The following PHF14 variants were observed in gnomAD, a reference collection of about 807,000 sequenced individuals.
The protein encoded by PHF14 is PHD finger protein 14.
In PHF14, 55 loss-of-function variants were observed where a neutral mutation model predicts 117.9. The observed-to-expected ratio is 0.47, with a 90% CI of 0.38 to 0.58. The LOEUF (loss-of-function observed/expected upper bound fraction) is 0.58. Ranked by LOEUF, PHF14 falls within the 20% of genes least tolerant of loss-of-function variation. The pLI is 0.00. For synonymous variants in PHF14, 409 were observed against 368.6 expected, an observed-to-expected ratio of 1.11 and a Z score of -1.26; for missense variants, 978 against 1,122.2, an observed-to-expected ratio of 0.87 and a Z score of 1.84.
At chr7:11,126,528 A>AT (rs1787933923) in intron 17 of PHF14, among the ~76,000 whole-genome samples, 1 of 152,084 alleles carries the variant, frequency 6.6e-6, no homozygotes, top group South Asian at 2.1e-4. Flanking sequence ...TATGAATCTA[A>AT]TTTTTGCAGT....
chr7:11,046,553 T>G (rs1784670913), intron 13 of PHF14, among the ~76,000 whole-genome samples: 1 of 152,196 alleles, frequency 6.6e-6, no homozygotes, highest in Admixed American at 6.6e-5. Flanking sequence ...TTATTGCCTC[T>G]TCTTCCCATT....
chr7:11,082,581 G>C (rs1193816983), intron 16 of PHF14, among the ~76,000 whole-genome samples: 1 of 152,128 alleles, frequency 6.6e-6, no homozygotes, highest in Admixed American at 6.5e-5. Flanking sequence ...GTGCCTTTCT[G>C]ATTTAATGAC....
intron 3 of PHF14, among the ~76,000 whole-genome samples, chr7:10,988,815 A>C (rs1017691362): frequency 6.6e-6 from 1 of 150,832 alleles, no homozygotes; most frequent in Non-Finnish European, 1.5e-5. Context: ...AATTCTTATA[A>C]CCTCCTGAAG....
intron 16 of PHF14, among the ~76,000 whole-genome samples, chr7:11,092,403 A>G (rs1364881553): frequency 1.3e-5 from 2 of 152,200 alleles, no homozygotes; most frequent in African/African-American, 4.8e-5. Flanking sequence ...TGGTCTGGAG[A>G]CTAAACTATG....
At chr7:10,990,932 C>T (rs1782426651) in intron 4 of PHF14, 85 bp downstream of exon 4, 1 of 898,276 alleles carries the variant, frequency 1.1e-6, no homozygotes, top group African/African-American at 1.7e-5. Flanking sequence ...TACAATATTT[C>T]ATGGTGTTTC....
chr7:11,055,722 C>A (rs1784993971), intron 14 of PHF14, among the ~76,000 whole-genome samples: 1 of 152,052 alleles, frequency 6.6e-6, no homozygotes, highest in South Asian at 2.1e-4. Context: ...ATCCTAGAGC[C>A]TACTTTTATT....
At chr7:11,014,947 T>G (rs777926157) in intron 5 of PHF14, 1 of 151,738 alleles carries the variant, frequency 6.6e-6, no homozygotes, top group Non-Finnish European at 1.5e-5. Context: ...TTAAGAGTAA[T>G]TTTCAACCTT....
intron 4 of PHF14, among the ~76,000 whole-genome samples, chr7:11,002,508 G>A (rs186974875): frequency 2.0e-5 from 3 of 151,654 alleles, no homozygotes; most frequent in African/African-American, 7.3e-5. Context: ...GAGCAATCTC[G>A]ACTCACTGCA....
chr7:11,116,905 T>C (rs1057389095), intron 17 of PHF14, among the ~76,000 whole-genome samples: 3 of 151,964 alleles, frequency 2.0e-5, no homozygotes, highest in Non-Finnish European at 4.4e-5. Context: ...GACATTTTAA[T>C]ATTATATTGT....
intron 17 of PHF14, among the ~76,000 whole-genome samples, chr7:11,132,711 T>A (rs1364923027): frequency 6.6e-6 from 1 of 151,816 alleles, no homozygotes; most frequent in Non-Finnish European, 1.5e-5. Flanking sequence ...CAACTTACAT[T>A]CCTACTAACA....
intron 13 of PHF14, among the ~76,000 whole-genome samples, 192 bp from the exon 14 acceptor site, chr7:11,051,420 T>G (rs1042969592): frequency 6.6e-6 from 1 of 152,186 alleles, no homozygotes. Flanking sequence ...TTGCCTTAAA[T>G]ATTATATTCA....
At chr7:10,987,007 A>G (rs1278381886) in intron 3 of PHF14, among the ~76,000 whole-genome samples, 1 of 152,148 alleles carries the variant, frequency 6.6e-6, no homozygotes. Flanking sequence ...AGTCTCCGTT[A>G]AGTACATTAG....
chr7:11,110,209 A>G (rs1436936656), intron 16 of PHF14: 1 of 151,858 alleles, frequency 6.6e-6, no homozygotes. Context: ...CTAAAAGGTT[A>G]TTGAATAGTA....
chr7:11,044,624 A>G (rs1315545240), intron 13 of PHF14, among the ~76,000 whole-genome samples: 1 of 152,162 alleles, frequency 6.6e-6, no homozygotes, highest in African/African-American at 2.4e-5. Flanking sequence ...TGTGGGAGGC[A>G]GTTTTTACTT....
intron 16 of PHF14, chr7:11,103,264 G>C (rs1261093477): frequency 1.1e-6 from 1 of 874,504 alleles, no homozygotes; most frequent in Admixed American, 6.3e-5. Flanking sequence ...TTGATCTCTA[G>C]ATATTTTTAG....
intron 7 of PHF14, among the ~76,000 whole-genome samples, chr7:11,029,673 A>G (rs963894737): frequency 6.6e-6 from 1 of 152,182 alleles, no homozygotes; most frequent in Admixed American, 6.5e-5. Context: ...TTAATAGGGT[A>G]ACTGTCTAAA....
chr7:11,075,540 C>T (rs1247764189), intron 16 of PHF14, among the ~76,000 whole-genome samples: 1 of 145,012 alleles, frequency 6.9e-6, no homozygotes, highest in African/African-American at 2.5e-5. Flanking sequence ...CAAGAACTCA[C>T]TCATTCCCAT....
At chr7:11,114,578 G>C (rs1353573870) in intron 17 of PHF14, among the ~76,000 whole-genome samples, 1 of 152,020 alleles carries the variant, frequency 6.6e-6, no homozygotes, top group Non-Finnish European at 1.5e-5. Context: ...TCACCTAAAA[G>C]TAGAAGAATG....
intron 16 of PHF14, among the ~76,000 whole-genome samples, chr7:11,064,480 A>T (rs1489828053): frequency 6.6e-6 from 1 of 151,890 alleles, no homozygotes; most frequent in Non-Finnish European, 1.5e-5. Flanking sequence ...TTAAAATTAA[A>T]CTTCATGGGT....
Sources: allele counts gnomAD v4.1 joint callset (sites outside exome capture counted in the v4.1 genomes callset), GRCh38; gene constraint gnomAD v4.1.1; transcripts MANE v1.5; gene names NCBI Gene and HGNC (gene_info 2026-07-23, HGNC 2026-07-21).